MYPN: variants seen among roughly 807,000 people sequenced by gnomAD.
MYPN encodes myopalladin.
In MYPN, 63 loss-of-function variants were observed where a neutral mutation model predicts 129.4. That is an observed-to-expected ratio of 0.49 (90% CI 0.40 to 0.60). The LOEUF (loss-of-function observed/expected upper bound fraction) is 0.60. Ranked by LOEUF, MYPN falls within the 20% of genes least tolerant of loss-of-function variation. MYPN has a pLI of 0.00. For synonymous variants in MYPN, 629 were observed against 600.9 expected (o/e 1.05, Z -0.68); for missense variants, 1,596 against 1,635.4 (o/e 0.98, Z 0.42).
chr10:68,177,676 C>T (rs2043249295), intron 12 of MYPN, among the ~76,000 whole-genome samples: 1 of 152,138 alleles, frequency 6.6e-6, no homozygotes, highest in African/African-American at 2.4e-5. Context: ...AAACACTAGA[C>T]AAGCAGAGAA....
chr10:68,171,268 G>T (rs2043140930), intron 10 of MYPN, among the ~76,000 whole-genome samples: 1 of 152,138 alleles, frequency 6.6e-6, no homozygotes, highest in Non-Finnish European at 1.5e-5. Flanking sequence ...TTAAAAGTGA[G>T]ATAATGTCAG....
At chr10:68,154,075 T>C (rs920401792) in intron 6 of MYPN, among the ~76,000 whole-genome samples, 5 of 152,182 alleles carry the variant, frequency 3.3e-5, no homozygotes, top group Admixed American at 2.0e-4. Context: ...GAGAGAGGAC[T>C]GTGGGATTCC....
rs370657396 is a variant in MYPN at position 68,175,412 on chromosome 10, G to A, written c.2654G>A (p.Arg885Gln). The A allele has an allele frequency of 1.2e-5, 20 of 1,614,022 alleles. No individual in the cohort carries two copies. The African/African-American group carries it at 1.5e-4, about 12-fold the overall frequency. Residue 885 changes from arginine to glutamine, a missense_variant, in exon 12 of 20, where the codon CGA becomes CAA. Coordinates refer to ENST00000358913, the MANE Select transcript of MYPN (RefSeq NM_032578.4). ...NIRETKNAVIRDLGKKITFSD... is the reference protein window; with the variant it reads ...NIRETKNAVIQDLGKKITFSD... Reference sequence around the variant, plus strand: ...CGTGAAACTAAGAACGCAGTGATTCGAGACTTGGGGAAAAAAATAACTTTC... The same window carrying A: ...CGTGAAACTAAGAACGCAGTGATTCAAGACTTGGGGAAAAAAATAACTTTC...
chr10:68,206,880 G>A lies in MYPN; in HGVS notation c.3770G>A (p.Cys1257Tyr), dbSNP rs1479014181. Reference sequence around the variant, plus strand: ...AAGAATGAAGCCGGCATCGTGTCGTGCACTGCCAGGCTGGATATATACGGT... The same window carrying A: ...AAGAATGAAGCCGGCATCGTGTCGTACACTGCCAGGCTGGATATATACGGT... ...SAKNEAGIVS[C>Y]TARLDIYAQW... is the part of the protein sequence containing the mutation. The change falls in exon 19 of 20, where the codon TGC (cysteine) becomes TAC (tyrosine). Residue 1257 changes from cysteine to tyrosine, a missense_variant. Coordinates refer to ENST00000358913, the MANE Select transcript of MYPN (RefSeq NM_032578.4). 6.2e-7 allele frequency: 1 copy of A among 1,614,218 alleles called. No homozygotes were observed. Among genetic ancestry groups the A allele is most frequent in the Admixed American group, 1.7e-5 (1 of 60,022 alleles).
intron 12 of MYPN, among the ~76,000 whole-genome samples, chr10:68,186,638 T>C (rs1251943888): frequency 2.6e-5 from 4 of 152,180 alleles, no homozygotes; most frequent in Admixed American, 6.5e-5. Context: ...AAAAAGTGAT[T>C]GCTTCTATTT....
chr10:68,163,152 A>G (rs1206712901), intron 8 of MYPN, among the ~76,000 whole-genome samples: 1 of 152,002 alleles, frequency 6.6e-6, no homozygotes, highest in Non-Finnish European at 1.5e-5. Flanking sequence ...AAAATTAGCC[A>G]GGCATAGTGG....
chr10:68,197,899 A>G (rs2043638399), intron 16 of MYPN, among the ~76,000 whole-genome samples: 1 of 152,178 alleles, frequency 6.6e-6, no homozygotes, highest in African/African-American at 2.4e-5. Context: ...ATGGGCAGGT[A>G]GCATAGACAG....
At chr10:68,105,963 G>A (rs962637054), upstream of MYPN, among the ~76,000 whole-genome samples, 6 of 152,132 alleles carry the variant, frequency 3.9e-5, no homozygotes, top group African/African-American at 7.2e-5. Context: ...TAAGAACATC[G>A]TGCAGACTGA....
Position 68,195,509 on chromosome 10 carries a change from A to T in MYPN, c.3135A>T (p.Leu1045=). The stretch of plus-strand genomic sequence containing the variant: ...AAAGTTTGCCCATTCGCAGTCGGCT[A>T]ACCTCTGCTGGTCAGTCTCACAGGT... ...MVQSLPIRSR[L]TSAGQSHRGR... The change falls in exon 15 of 20, where the codon CTA becomes CTT. Residue 1045 remains leucine, a synonymous_variant. Coordinates refer to ENST00000358913, the MANE Select transcript of MYPN (RefSeq NM_032578.4). 1 of 1,614,028 alleles carries T rather than the reference A, an allele frequency of 6.2e-7. No individual in the cohort carries two copies. Among genetic ancestry groups the T allele is most frequent in the South Asian group, 1.1e-5 (1 of 91,070 alleles).
chr10:68,122,023 C>G lies in MYPN; in HGVS notation c.585C>G (p.Asn195Lys). The G allele has an allele frequency of 1.9e-6, 3 of 1,614,226 alleles. No individual in the cohort carries two copies. Among genetic ancestry groups the G allele is most frequent in the Non-Finnish European group, 2.5e-6 (3 of 1,180,042 alleles). ...CTCAAAACAAAGTTATGCAGGAAAACAGCTCCAGTTTCTCAGATCTGTCAG... is the reference window on the plus strand; with the variant it reads ...CTCAAAACAAAGTTATGCAGGAAAAGAGCTCCAGTTTCTCAGATCTGTCAG... The part of the protein sequence containing the change: ...LESQNKVMQE[N>K]SSSFSDLSER... Residue 195 changes from asparagine to lysine, a missense_variant, in exon 2 of 20, where the codon AAC becomes AAG. Transcript: ENST00000358913.
At chr10:68,156,483 C>T (rs1041546460) in intron 6 of MYPN, among the ~76,000 whole-genome samples, 6 of 152,194 alleles carry the variant, frequency 3.9e-5, no homozygotes, top group Admixed American at 1.3e-4. Flanking sequence ...AGAAACCACT[C>T]GGTGCTAATC....
chr10:68,174,028 C>G, intron 10 of MYPN, 38 bp from the exon 11 acceptor site: 1 of 1,480,306 alleles, frequency 6.8e-7, no homozygotes. Flanking sequence ...AATAATAACA[C>G]ATTTCCTTCT....
intron 1 of MYPN, among the ~76,000 whole-genome samples, chr10:68,093,771 G>A (rs1001407942): frequency 1.3e-5 from 2 of 151,556 alleles, no homozygotes; most frequent in African/African-American, 2.4e-5. Flanking sequence ...AAAAAAAAAG[G>A]AAGTAAAAGA....
intron 8 of MYPN, among the ~76,000 whole-genome samples, chr10:68,163,859 G>A (rs910680497): frequency 1.3e-5 from 2 of 152,132 alleles, no homozygotes; most frequent in East Asian, 1.9e-4. Context: ...AACCTAGTAT[G>A]CAATTCTTGT....
At chr10:68,206,740 A>T (rs750545548) in intron 18 of MYPN, 30 bp from the exon 19 acceptor site, 1 of 1,613,972 alleles carries the variant, frequency 6.2e-7, no homozygotes, top group South Asian at 1.1e-5. Flanking sequence ...CCCCCGATAA[A>T]ATATAGGTAT....
rs531258936 is a variant in MYPN, at chr10:68,091,706, C to A, written c.-2+3714C>A. ...CAACTGCGCCCAGCCTAGACTACAG[C>A]CCAAATTTGCTCGTTTTTTTTTTAT... On this transcript the variant is annotated intron_variant, in intron 1 of 6. Coordinates refer to the MYPN transcript ENST00000685154. Among the ~76,000 whole-genome samples the A allele has an allele frequency of 2.1e-4, 32 of 151,498 alleles. No homozygotes were observed. In the South Asian group the frequency reaches 4.0e-3, roughly 19 times the overall value.
intron 1 of MYPN, among the ~76,000 whole-genome samples, chr10:68,092,022 C>T (rs1039756225): frequency 2.0e-5 from 3 of 152,014 alleles, no homozygotes; most frequent in Non-Finnish European, 4.4e-5. Flanking sequence ...TTCGAGGGTG[C>T]AGTGAGCTAT....
chr10:68,141,079 C>A (rs1030784470), intron 2 of MYPN, among the ~76,000 whole-genome samples: 2 of 150,922 alleles, frequency 1.3e-5, no homozygotes, highest in Non-Finnish European at 3.0e-5. Flanking sequence ...CACCACCCCC[C>A]CAAAAAAAGG....
chr10:68,119,819 AT>A (rs1227806547), intron 1 of MYPN, among the ~76,000 whole-genome samples: 1 of 152,124 alleles, frequency 6.6e-6, no homozygotes, highest in East Asian at 1.9e-4. Context: ...TGGGAAAAAT[AT>A]TTTACTGTGG....
Sources: gnomAD v4.1 joint callset for allele counts (sites outside exome capture counted in the v4.1 genomes callset) on GRCh38, gnomAD v4.1.1 for gene constraint, MANE v1.5 for transcripts, NCBI Gene and HGNC (gene_info 2026-07-23, HGNC 2026-07-21) for gene names.